The following C16orf78 variants were observed in gnomAD, a reference collection of about 807,000 sequenced individuals.
C16orf78 encodes uncharacterized protein C16orf78.
A neutral mutation model predicts 27.3 loss-of-function variants in C16orf78; 19 were observed. The observed-to-expected ratio is 0.70, with a 90% CI of 0.49 to 1.02. C16orf78 has a LOEUF of 1.02. C16orf78 is among the 50% of genes least tolerant of loss of function. C16orf78 has a pLI of 0.00. For synonymous variants in C16orf78, 130 were observed against 116.1 expected (o/e 1.12, Z -0.77); for missense variants, 339 against 337.0 (o/e 1.01, Z -0.05).
chr16:49,377,893 CA>C, intron 2 of C16orf78, 43 bp downstream of exon 2: 7 of 1,547,772 alleles, frequency 4.5e-6, no homozygotes, highest in Non-Finnish European at 6.1e-6. Context: ...ACTGGGTCTC[CA>C]AATGGAGGAG....
At chr16:49,390,044 T>C (rs1221785854) in intron 3 of C16orf78, among the ~76,000 whole-genome samples, 1 of 152,226 alleles carries the variant, frequency 6.6e-6, no homozygotes, top group African/African-American at 2.4e-5. Context: ...TTTTAGATTG[T>C]CAACCTTTCT....
intron 3 of C16orf78, among the ~76,000 whole-genome samples, chr16:49,385,088 A>G (rs1421659993): frequency 1.3e-5 from 2 of 152,242 alleles, no homozygotes; most frequent in Non-Finnish European, 2.9e-5. Flanking sequence ...TGTAAAACAC[A>G]TGAATGTATA....
At chr16:49,398,316 G>A (rs920038746) in intron 4 of C16orf78, among the ~76,000 whole-genome samples, 14 of 152,104 alleles carry the variant, frequency 9.2e-5, no homozygotes, top group African/African-American at 2.4e-4. Context: ...TGAGTAGGGG[G>A]CCTACACCCT....
At chr16:49,394,228 G>A (rs999983838) in intron 3 of C16orf78, among the ~76,000 whole-genome samples, 1 of 151,992 alleles carries the variant, frequency 6.6e-6, no homozygotes, top group African/African-American at 2.4e-5. Flanking sequence ...TTAAATTAAT[G>A]CAGAACTTTA....
rs183139494 is a variant in C16orf78, at chr16:49,382,206, T to C, written c.394+3613T>C. On this transcript the variant is annotated intron_variant, in intron 3 of 4. Coordinates refer to ENST00000299191, the MANE Select transcript of C16orf78 (RefSeq NM_144602.4). Reference sequence around the variant, plus strand: ...GCATATTCTCACTCATAGGTGGGAATTGAACAACGAGATCACATGGACACA... The same window carrying C: ...GCATATTCTCACTCATAGGTGGGAACTGAACAACGAGATCACATGGACACA... Among the ~76,000 whole-genome samples the C allele has an allele frequency of 5.8e-3, 876 of 152,100 alleles. 10 individuals carry two copies. Among genetic ancestry groups the C allele is most frequent in the African/African-American group, 0.02 (842 of 41,466 alleles).
At chr16:49,380,583 A>G (rs1965274565) in intron 3 of C16orf78, among the ~76,000 whole-genome samples, 1 of 152,168 alleles carries the variant, frequency 6.6e-6, no homozygotes, top group African/African-American at 2.4e-5. Flanking sequence ...GTGTAAATAC[A>G]TTCTACTGAA....
At position 49,396,504 on chromosome 16, in the gene C16orf78, C is replaced by A. The variant is rs1965476577; in HGVS notation, c.476C>A (p.Pro159His). The A allele has an allele frequency of 6.2e-7, 1 of 1,614,150 alleles. No individual in the cohort carries two copies. The highest frequency in any genetic ancestry group is 2.2e-5 in the East Asian group (1 of 44,884). ...PFRRQSIVLD[P>H]MLQEGTFNSQ... ...CGTCGACAAAGCATTGTCTTAGATC[C>A]CATGTTACAGGAGGGTACCTTTAAC... is the stretch of plus-strand genomic sequence containing the variant. The change falls in exon 4 of 5, where the codon CCC becomes CAC. Residue 159 changes from proline (P) to histidine (H), a missense_variant. Transcript: ENST00000299191.
At chr16:49,380,211 G>C (rs1294124480) in intron 3 of C16orf78, among the ~76,000 whole-genome samples, 1 of 152,152 alleles carries the variant, frequency 6.6e-6, no homozygotes, top group Non-Finnish European at 1.5e-5. Context: ...TGGCTTCCTT[G>C]CTCCTCAGCT....
intron 1 of C16orf78, among the ~76,000 whole-genome samples, chr16:49,376,174 C>T (rs1037343459): frequency 2.0e-5 from 3 of 152,212 alleles, no homozygotes; most frequent in African/African-American, 7.2e-5. Flanking sequence ...TCAGGGCCCT[C>T]TGTGACCTCC....
At chr16:49,396,735 A>C in intron 4 of C16orf78, 57 bp downstream of exon 4, 1 of 1,563,874 alleles carries the variant, frequency 6.4e-7, no homozygotes, top group Non-Finnish European at 8.6e-7. Context: ...GGCTTTGCTC[A>C]CTCTTGTCCC....
chr16:49,386,217 G>T (rs1489139602), intron 3 of C16orf78, among the ~76,000 whole-genome samples: 1 of 152,064 alleles, frequency 6.6e-6, no homozygotes, highest in East Asian at 1.9e-4. Context: ...AAAATTAACA[G>T]AACTGAAAGG....
intron 3 of C16orf78, among the ~76,000 whole-genome samples, chr16:49,379,892 T>A (rs1289264529): frequency 6.6e-6 from 1 of 152,174 alleles, no homozygotes; most frequent in African/African-American, 2.4e-5. Context: ...CCAAAGCAGA[T>A]TAATATTTGA....
intron 3 of C16orf78, among the ~76,000 whole-genome samples, chr16:49,388,009 C>T (rs1965370097): frequency 6.6e-6 from 1 of 152,078 alleles, no homozygotes; most frequent in Non-Finnish European, 1.5e-5. Flanking sequence ...ACCAGGCCAG[C>T]TGTGGTGGCT....
intron 3 of C16orf78, among the ~76,000 whole-genome samples, chr16:49,387,008 T>G (rs1965359468): frequency 6.6e-6 from 1 of 152,232 alleles, no homozygotes; most frequent in Admixed American, 6.5e-5. Context: ...TTTAGTTCTT[T>G]GAGGAATCAC....
chr16:49,388,027 G>A (rs940918749), intron 3 of C16orf78, among the ~76,000 whole-genome samples: 2 of 152,108 alleles, frequency 1.3e-5, no homozygotes, highest in Admixed American at 6.5e-5. Context: ...GCTCACACCT[G>A]TAATCCCAGC....
chr16:49,378,969 C>T (rs1965255830), intron 3 of C16orf78, among the ~76,000 whole-genome samples: 1 of 152,166 alleles, frequency 6.6e-6, no homozygotes, highest in Admixed American at 6.5e-5. Context: ...AGGTACCACT[C>T]CTGCTGGCCT....
At chr16:49,387,916 A>C (rs879379181) in intron 3 of C16orf78, among the ~76,000 whole-genome samples, 4 of 151,956 alleles carry the variant, frequency 2.6e-5, no homozygotes, top group Non-Finnish European at 5.9e-5. Flanking sequence ...TGTAGTTTTT[A>C]ATTATGTCTA....
chr16:49,387,288 TTTG>T (rs1302325980), intron 3 of C16orf78, among the ~76,000 whole-genome samples: 1 of 152,082 alleles, frequency 6.6e-6, no homozygotes. Flanking sequence ...TTTGCCCACT[TTTG>T]TTGTTGTTGT....
At chr16:49,388,189 T>C (rs1362637101) in intron 3 of C16orf78, among the ~76,000 whole-genome samples, 1 of 152,118 alleles carries the variant, frequency 6.6e-6, no homozygotes, top group Non-Finnish European at 1.5e-5. Flanking sequence ...AATGGTTTTT[T>C]GTGTGTGTCT....
Sources: gnomAD v4.1 joint callset for allele counts (sites outside exome capture counted in the v4.1 genomes callset) on GRCh38, gnomAD v4.1.1 for gene constraint, MANE v1.5 for transcripts, NCBI Gene and HGNC (gene_info 2026-07-23, HGNC 2026-07-21) for gene names.